PLCE1: variants seen among roughly 807,000 people sequenced by gnomAD.
The protein encoded by PLCE1 is phospholipase C epsilon 1, also known as 1-phosphatidylinositol 4,5-bisphosphate phosphodiesterase epsilon-1.
PLCE1 carries 119 observed loss-of-function variants against 242.8 expected under a neutral mutation model. That is an observed-to-expected ratio of 0.49 (90% CI 0.42 to 0.57). PLCE1 has a LOEUF of 0.57. PLCE1 is among the 20% of genes least tolerant of loss of function. The pLI is 0.00. For missense variants in PLCE1, 2,441 were observed against 2,788.8 expected (o/e 0.88, Z 2.81); for synonymous variants, 945 against 1,017.4 (o/e 0.93, Z 1.35).
At chr10:94,273,806 T>C in intron 19 of PLCE1, 86 bp downstream of exon 19, 1 of 1,262,032 alleles carries the variant, frequency 7.9e-7, no homozygotes, top group Non-Finnish European at 1.2e-6. Context: ...TCAGATGACC[T>C]GCTGGTTTAC....
intron 1 of PLCE1, among the ~76,000 whole-genome samples, chr10:93,996,551 A>G (rs576468521): frequency 3.3e-5 from 5 of 152,336 alleles, no homozygotes; most frequent in Non-Finnish European, 5.9e-5. Context: ...GAGGAAGACG[A>G]TATCAAAGAT....
In PLCE1 at chr10:94,171,480, T is replaced by C; in HGVS notation, c.1793T>C (p.Val598Ala). Residue 598 changes from valine (V) to alanine (A), a missense_variant, in exon 4 of 33, where the codon GTG (valine) becomes GCG (alanine). Transcript: ENST00000371380. ...NGEHNALEDL[V>A]MRFNEVSSWV... ...GAGCACAATGCCCTTGAAGATCTGG[T>C]GATGAGGTTTAATGAGGTAAGAAGC... The C allele has an allele frequency of 6.2e-7, 1 of 1,614,042 alleles. No homozygotes were observed. Among genetic ancestry groups the C allele is most frequent in the Admixed American group, 1.7e-5 (1 of 60,026 alleles).
chr10:94,077,092 G>A (rs1323735750), intron 2 of PLCE1, among the ~76,000 whole-genome samples: 1 of 152,126 alleles, frequency 6.6e-6, no homozygotes, highest in Non-Finnish European at 1.5e-5. Flanking sequence ...AATAAAACAG[G>A]CATTATGTAA....
At chr10:94,322,886 G>A (rs1193395533) in intron 30 of PLCE1, among the ~76,000 whole-genome samples, 2 of 152,142 alleles carry the variant, frequency 1.3e-5, no homozygotes, top group East Asian at 3.9e-4. Context: ...AGCCTGGGAG[G>A]CAGAGGTTTG....
At chr10:94,254,802 C>A in intron 10 of PLCE1, 91 bp from the exon 11 acceptor site, 1 of 1,415,110 alleles carries the variant, frequency 7.1e-7, no homozygotes, top group South Asian at 1.2e-5. Context: ...TTGATTTGCT[C>A]AGACATCCAG....
rs67656949 is a variant in PLCE1 at position 94,226,831 on chromosome 10, C to CTCTT, written c.1810-474_1810-473insCTTT. Among the ~76,000 whole-genome samples the CTCTT allele has an allele frequency of 9.0e-3, 921 of 101,802 alleles. 68 individuals carry two copies. The highest frequency in any genetic ancestry group is 0.029 in the African/African-American group (747 of 25,908). 66.8% of individuals were successfully genotyped at this position (101,802 alleles called of 152,430 possible). On this transcript the variant is annotated intron_variant, in intron 4 of 32. Coordinates refer to ENST00000371380, the MANE Select transcript of PLCE1 (RefSeq NM_016341.4). ...TATAAGAGATTAAGGACCTATAGGTCTTTTTTTTTTTTTTTTTTTTTTTTT... is the reference window on the plus strand; with the variant it reads ...TATAAGAGATTAAGGACCTATAGGTCTCTTTTTTTTTTTTTTTTTTTTTTTTTTT...
rs2050680729 is a variant in PLCE1 at position 94,246,395 on chromosome 10, G to A, written c.2870G>A (p.Cys957Tyr). The change falls in exon 8 of 33, where the codon TGT becomes TAT. Residue 957 changes from cysteine (C) to tyrosine (Y), a missense_variant. Around this residue, in one of 5 missense-constraint regions of PLCE1, gnomAD observed 1,004 missense variants for 1,322.7 expected, o/e 0.76. Transcript: ENST00000371380. ...GHPGIDIHTV[C>Y]VQNKLGSMFL... Reference sequence around the variant, plus strand: ...CCTGGCATTGATATACACACTGTGTGTGTTCAGAACAAACTGGGTAGCATG... The same window carrying A: ...CCTGGCATTGATATACACACTGTGTATGTTCAGAACAAACTGGGTAGCATG... 1.9e-6 allele frequency: 3 copies of A among 1,614,074 alleles called. No individual in the cohort carries two copies. The highest frequency in any genetic ancestry group is 2.5e-6 in the Non-Finnish European group (3 of 1,180,006).
chr10:94,266,653 G>A (rs944191035), intron 16 of PLCE1, among the ~76,000 whole-genome samples: 1 of 152,124 alleles, frequency 6.6e-6, no homozygotes, highest in Non-Finnish European at 1.5e-5. Context: ...TTCAAGAAGG[G>A]TCAATTCGGT....
intron 4 of PLCE1, among the ~76,000 whole-genome samples, chr10:94,216,283 G>C (rs1023056342): frequency 6.6e-6 from 1 of 152,128 alleles, no homozygotes; most frequent in Non-Finnish European, 1.5e-5. Context: ...GTGAGGAGAG[G>C]TAAAGGAGCA....
chr10:94,035,169 G>A (rs181694335), intron 2 of PLCE1, among the ~76,000 whole-genome samples: 1 of 152,302 alleles, frequency 6.6e-6, no homozygotes, highest in Admixed American at 6.5e-5. Context: ...TAAAAATGCA[G>A]TGGTTTAAAA....
chr10:94,135,526 G>T (rs1404688624), intron 3 of PLCE1, among the ~76,000 whole-genome samples: 1 of 152,088 alleles, frequency 6.6e-6, no homozygotes, highest in Non-Finnish European at 1.5e-5. Flanking sequence ...TTTATAAATG[G>T]GTTATATTCT....
chr10:94,215,765 G>A (rs940895528), intron 4 of PLCE1, among the ~76,000 whole-genome samples: 1 of 152,034 alleles, frequency 6.6e-6, no homozygotes, highest in Non-Finnish European at 1.5e-5. Context: ...ATTCGAGAAG[G>A]GCCGAGACAG....
At chr10:94,160,372 A>G (rs1026846429) in intron 3 of PLCE1, among the ~76,000 whole-genome samples, 2 of 152,210 alleles carry the variant, frequency 1.3e-5, no homozygotes, top group African/African-American at 4.8e-5. Flanking sequence ...ATGGCCAGTG[A>G]TGATGAGCAT....
chr10:94,262,802 G>C lies in PLCE1; in HGVS notation c.4053+70G>C, dbSNP rs1589438252. 6 of 1,014,882 alleles carry C rather than the reference G, an allele frequency of 5.9e-6. No individual in the cohort carries two copies. The Admixed American group carries it at 8.4e-5, about 14-fold the overall frequency. The allele number at this position is 1,014,882 out of a possible 1,614,324, so 62.9% of individuals were successfully genotyped here. On this transcript the variant is annotated intron_variant, in intron 14 of 32. Coordinates refer to ENST00000371380, the MANE Select transcript of PLCE1 (RefSeq NM_016341.4). ...CTATTCTAATAATTTGCTGCTAAAT[G>C]TTTATTCTTTCTATACTTCTTTCCA...
At chr10:94,171,132 G>A in intron 3 of PLCE1, 48 bp from the exon 4 acceptor site, 3 of 1,442,190 alleles carry the variant, frequency 2.1e-6, no homozygotes, top group Non-Finnish European at 2.9e-6. Context: ...ATCTGTTGCA[G>A]GGGACACCAG....
intron 1 of PLCE1, among the ~76,000 whole-genome samples, chr10:94,022,273 A>T (rs1278851901): frequency 6.6e-6 from 1 of 152,060 alleles, no homozygotes; most frequent in African/African-American, 2.4e-5. Flanking sequence ...AACATTTAAG[A>T]TAATTTTATT....
chr10:94,129,209 C>G (rs932409209), intron 2 of PLCE1, among the ~76,000 whole-genome samples: 2 of 152,136 alleles, frequency 1.3e-5, no homozygotes, highest in African/African-American at 4.8e-5. Flanking sequence ...TGGATGATTG[C>G]CTATTTCAGA....
chr10:94,027,637 T>C (rs10882385), intron 1 of PLCE1, among the ~76,000 whole-genome samples: 60,881 of 151,922 alleles, frequency 0.4, 15,094 homozygotes, highest in African/African-American at 0.71. Flanking sequence ...CTGGCTAACA[T>C]GGTGAAACCC....
chr10:94,235,625 T>C (rs1349867659), intron 6 of PLCE1: 1 of 503,246 alleles, frequency 2.0e-6, no homozygotes, highest in Non-Finnish European at 2.6e-6. Context: ...CCTCTGCAAA[T>C]TGGCTAATCT....
Sources: allele counts gnomAD v4.1 joint callset (sites outside exome capture counted in the v4.1 genomes callset), GRCh38; gene constraint gnomAD v4.1.1; regional missense constraint gnomAD v4.1.1; transcripts MANE v1.5; gene names NCBI Gene and HGNC (gene_info 2026-07-23, HGNC 2026-07-21).